PLCH1: variants seen among roughly 807,000 people sequenced by gnomAD.
PLCH1 encodes the protein phospholipase C eta 1.
Under a neutral mutation model 126.7 loss-of-function variants are expected in PLCH1, and 60 were observed. The observed-to-expected ratio is 0.47, with a 90% CI of 0.38 to 0.59. The LOEUF (loss-of-function observed/expected upper bound fraction) is 0.59. PLCH1 is among the 20% of genes least tolerant of loss of function. The pLI is 0.00. For synonymous variants in PLCH1, 719 were observed against 734.9 expected, an observed-to-expected ratio of 0.98 and a Z score of 0.35; for missense variants, 1,723 against 2,040.0, an observed-to-expected ratio of 0.84 and a Z score of 2.99.
At chr3:155,672,570 G>A (rs1164896321) in intron 2 of PLCH1, among the ~76,000 whole-genome samples, 1 of 152,112 alleles carries the variant, frequency 6.6e-6, no homozygotes, top group Non-Finnish European at 1.5e-5. Context: ...AAGTTGAGGA[G>A]GGGTTCTCTA....
chr3:155,621,245 A>T (rs1736451779), intron 2 of PLCH1, among the ~76,000 whole-genome samples: 1 of 152,206 alleles, frequency 6.6e-6, no homozygotes, highest in Admixed American at 6.5e-5. Flanking sequence ...CCACTCAGAG[A>T]CCCCATCCGA....
At chr3:155,581,869 C>A (rs9867144) in intron 6 of PLCH1, among the ~76,000 whole-genome samples, 27,055 of 150,986 alleles carry the variant, frequency 0.18, 2,960 homozygotes, top group African/African-American at 0.31. Flanking sequence ...CCCGTCTCAG[C>A]CTCCCGAATA....
intron 2 of PLCH1, among the ~76,000 whole-genome samples, chr3:155,701,470 C>T (rs1382508682): frequency 6.6e-6 from 1 of 152,190 alleles, no homozygotes; most frequent in East Asian, 1.9e-4. Flanking sequence ...ATAATTTATA[C>T]ATCCAAGTCT....
chr3:155,621,315 G>A (rs945305249), intron 2 of PLCH1, among the ~76,000 whole-genome samples: 13 of 152,150 alleles, frequency 8.5e-5, no homozygotes, highest in African/African-American at 2.4e-4. Context: ...AGAAACCAGC[G>A]CAAAACGACT....
intron 1 of PLCH1, among the ~76,000 whole-genome samples, chr3:155,716,977 T>C (rs974306705): frequency 6.6e-6 from 1 of 152,218 alleles, no homozygotes; most frequent in Non-Finnish European, 1.5e-5. Context: ...TACTTCCAAG[T>C]TACAGGGGTG....
chr3:155,462,742 G>A (rs1334264833), intron 21 of PLCH1, among the ~76,000 whole-genome samples: 3 of 152,124 alleles, frequency 2.0e-5, no homozygotes, highest in Non-Finnish European at 4.4e-5. Flanking sequence ...TACTCGCACA[G>A]TGGTTAAGTC....
chr3:155,739,682 G>A (rs1260888257), intron 1 of PLCH1, among the ~76,000 whole-genome samples: 1 of 152,182 alleles, frequency 6.6e-6, no homozygotes, highest in Admixed American at 6.5e-5. Context: ...GCATTCCTGA[G>A]TAGTAATAGG....
At chr3:155,593,093 C>T (rs1165751466) in intron 4 of PLCH1, among the ~76,000 whole-genome samples, 1 of 152,222 alleles carries the variant, frequency 6.6e-6, no homozygotes, top group East Asian at 1.9e-4. Context: ...TTAGGGCACA[C>T]ATTCTAATGA....
chr3:155,583,674 T>C lies in PLCH1; in HGVS notation c.601-32A>G, dbSNP rs374650147. On this transcript the variant is annotated intron_variant, in intron 5 of 22. Transcript: ENST00000460012. ...AGGGCATAGAGAAAATAAAGTAATATGAAAGTTAGAAATAGGAAATTCAGT... is the reference window on the plus strand; with the variant it reads ...AGGGCATAGAGAAAATAAAGTAATACGAAAGTTAGAAATAGGAAATTCAGT... 88 of 1,487,536 alleles carry C rather than the reference T, an allele frequency of 5.9e-5. 2 individuals carry two copies. In the South Asian group the frequency reaches 1.0e-3, roughly 17 times the overall value. 92.1% of individuals were successfully genotyped at this position (1,487,536 alleles called of 1,614,324 possible). A position where few individuals can be genotyped will look rare whatever the true frequency, so the allele number is the denominator to read the frequency against.
intron 21 of PLCH1, among the ~76,000 whole-genome samples, chr3:155,469,428 C>T (rs200090380): frequency 2.0e-5 from 3 of 151,738 alleles, no homozygotes; most frequent in Admixed American, 6.6e-5. Flanking sequence ...GGGTCCTACG[C>T]CCATGGAGTC....
At chr3:155,531,204 C>T (rs1453177181) in intron 10 of PLCH1, among the ~76,000 whole-genome samples, 1 of 152,192 alleles carries the variant, frequency 6.6e-6, no homozygotes, top group African/African-American at 2.4e-5. Flanking sequence ...TCATTAGCTG[C>T]ATTAGTCTCT....
intron 21 of PLCH1, among the ~76,000 whole-genome samples, chr3:155,459,897 G>A (rs1364372270): frequency 2.0e-5 from 3 of 152,188 alleles, no homozygotes; most frequent in Admixed American, 6.5e-5. Context: ...TACAGCAGTG[G>A]TTATCAAAGT....
chr3:155,700,700 C>T lies in PLCH1; in HGVS notation c.79+3446G>A, dbSNP rs1405780073. ...TTATGTGCATAAGAAATTGCATGTG[C>T]ATATTAATTGCAAATACACTCATTA... On this transcript the variant is annotated intron_variant, in intron 2 of 22. Coordinates refer to ENST00000460012, the MANE Select transcript of PLCH1 (RefSeq NM_014996.4). Among the ~76,000 whole-genome samples the T allele has an allele frequency of 2.6e-5, 4 of 152,160 alleles. No individual in the cohort carries two copies. In the East Asian group the frequency reaches 5.8e-4, roughly 22 times the overall value.
intron 21 of PLCH1, among the ~76,000 whole-genome samples, chr3:155,465,871 G>A (rs530692003): frequency 6.6e-5 from 10 of 152,314 alleles, no homozygotes; most frequent in Admixed American, 2.0e-4. Flanking sequence ...TGGGGTGGCA[G>A]TGGCTACAAG....
chr3:155,526,817 T>A (rs1372354346), intron 10 of PLCH1, among the ~76,000 whole-genome samples: 2 of 152,180 alleles, frequency 1.3e-5, no homozygotes, highest in Non-Finnish European at 2.9e-5. Flanking sequence ...CTGTCAAATG[T>A]TGGGGTAATT....
At chr3:155,570,530 G>A (rs948010466) in intron 6 of PLCH1, among the ~76,000 whole-genome samples, 2 of 152,118 alleles carry the variant, frequency 1.3e-5, no homozygotes, top group African/African-American at 4.8e-5. Context: ...TTTTAATAAT[G>A]ACTCTACATT....
At chr3:155,582,075 C>CTT (rs869254665) in intron 6 of PLCH1, among the ~76,000 whole-genome samples, 719 of 64,044 alleles carry the variant, frequency 0.011, 1 homozygote, top group East Asian at 0.028. Flanking sequence ...TCTTTTCTTT[C>CTT]TTTTTTTTTT....
intron 2 of PLCH1, among the ~76,000 whole-genome samples, chr3:155,653,418 T>C (rs1233504311): frequency 6.6e-6 from 1 of 152,228 alleles, no homozygotes; most frequent in Non-Finnish European, 1.5e-5. Flanking sequence ...TTATTTGAAC[T>C]GTCCAAATGC....
At chr3:155,453,927 T>C (rs1037118865) in intron 21 of PLCH1, among the ~76,000 whole-genome samples, 1 of 152,066 alleles carries the variant, frequency 6.6e-6, no homozygotes. Flanking sequence ...GAGGGAATTA[T>C]GCATAAGTCA....
Sources: gnomAD v4.1 joint callset for allele counts (sites outside exome capture counted in the v4.1 genomes callset) on GRCh38, gnomAD v4.1.1 for gene constraint, MANE v1.5 for transcripts, NCBI Gene and HGNC (gene_info 2026-07-23, HGNC 2026-07-21) for gene names.